The following PGR variants were observed in gnomAD, a reference collection of about 807,000 sequenced individuals.
The protein encoded by PGR is progesterone receptor, also known as nuclear receptor subfamily 3 group C member 3.
A neutral mutation model predicts 76.1 loss-of-function variants in PGR; 25 were observed. That is an observed-to-expected ratio of 0.33 (90% CI 0.24 to 0.46). The LOEUF is 0.46. Ranked by LOEUF, PGR falls within the 20% of genes least tolerant of loss-of-function variation. The pLI is 1.00. For missense variants in PGR, 1,172 were observed against 1,225.3 expected, an observed-to-expected ratio of 0.96 and a Z score of 0.65; for synonymous variants, 579 against 535.0, an observed-to-expected ratio of 1.08 and a Z score of -1.14.
intron 2 of PGR, among the ~76,000 whole-genome samples, chr11:101,110,037 A>G (rs1862295312): frequency 6.6e-6 from 1 of 152,190 alleles, no homozygotes; most frequent in South Asian, 2.1e-4. Flanking sequence ...AGCATGGTCC[A>G]CTAACTACTT....
chr11:101,080,765 T>C (rs1861278587), intron 3 of PGR, among the ~76,000 whole-genome samples: 1 of 151,950 alleles, frequency 6.6e-6, no homozygotes. Flanking sequence ...AAGAAAGACA[T>C]GAACATCTTA....
chr11:101,073,764 T>G (rs775156316), intron 3 of PGR, among the ~76,000 whole-genome samples: 1 of 151,988 alleles, frequency 6.6e-6, no homozygotes, highest in African/African-American at 2.4e-5. Context: ...ACATACACCC[T>G]CCCAAGATGA....
At chr11:101,058,847 C>CAAAAT (rs1485586730) in intron 4 of PGR, among the ~76,000 whole-genome samples, 1 of 152,134 alleles carries the variant, frequency 6.6e-6, no homozygotes, top group Admixed American at 6.6e-5. Flanking sequence ...TTATTCAGTT[C>CAAAAT]AAAATAAATT....
chr11:101,057,190 A>G (rs1393238382), intron 4 of PGR, among the ~76,000 whole-genome samples: 1 of 152,212 alleles, frequency 6.6e-6, no homozygotes, highest in Non-Finnish European at 1.5e-5. Context: ...TTCCTCACCC[A>G]GTCTAGGAAG....
At chr11:101,113,427 A>AT (rs386374672) in intron 2 of PGR, among the ~76,000 whole-genome samples, 52,866 of 147,122 alleles carry the variant, frequency 0.36, 11,518 homozygotes, top group East Asian at 0.95. Context: ...ATGCCTGGCT[A>AT]TTTTTTTTTT....
At chr11:101,107,555 A>G (rs1204793266) in intron 2 of PGR, among the ~76,000 whole-genome samples, 1 of 152,196 alleles carries the variant, frequency 6.6e-6, no homozygotes, top group Non-Finnish European at 1.5e-5. Context: ...GACCTCACAT[A>G]CTATTGAGAA....
At chr11:101,104,728 C>A (rs902330659) in intron 2 of PGR, among the ~76,000 whole-genome samples, 3 of 152,152 alleles carry the variant, frequency 2.0e-5, no homozygotes, top group Admixed American at 1.3e-4. Flanking sequence ...CTCAGTCTTG[C>A]TTCTCAGATA....
rs1181046626 is a variant in PGR at position 101,038,546 on chromosome 11, T to C, written c.*570A>G. ...TAACATATGAGTTGTTTTGCCTAGT[T>C]TGAAGAACATCAATCTATTTTAGTG... On this transcript the variant is annotated 3_prime_UTR_variant, in exon 8 of 8. Transcript: ENST00000325455. 4.4e-6 allele frequency: 1 copy of C among 229,784 alleles called. No homozygotes were observed. The highest frequency in any genetic ancestry group is 8.6e-6 in the Non-Finnish European group (1 of 116,036). 14.2% of individuals were successfully genotyped at this position (229,784 alleles called of 1,614,324 possible). A position where few individuals can be genotyped will look rare whatever the true frequency, so the allele number is the denominator to read the frequency against.
At position 101,129,075 on chromosome 11, in the gene PGR, A is replaced by G. The variant is rs765636500; in HGVS notation, c.-5T>C. 1 of 1,527,154 alleles carries G rather than the reference A, an allele frequency of 6.5e-7. No individual in the cohort carries two copies. The highest frequency in any genetic ancestry group is 8.8e-7 in the Non-Finnish European group (1 of 1,135,894). The allele number at this position is 1,527,154 out of a possible 1,614,324, so 94.6% of individuals were successfully genotyped here. On this transcript the variant is annotated 5_prime_UTR_variant, in exon 1 of 8. Transcript: ENST00000325455. The stretch of plus-strand genomic sequence containing the variant: ...CTTTGCCTTCAGCTCAGTCATGACG[A>G]CTGGACTCCCCTTTTCTCCTCCCCC...
At chr11:101,091,990 C>G in intron 2 of PGR, 114 bp from the exon 3 acceptor site, 1 of 699,548 alleles carries the variant, frequency 1.4e-6, no homozygotes, top group Non-Finnish European at 2.6e-6. Flanking sequence ...CATGACTCAG[C>G]CAGCTTCCTG....
Position 101,126,009 on chromosome 11 carries a change from T to C in PGR, c.1787A>G (p.Glu596Gly). The C allele has an allele frequency of 6.2e-7, 1 of 1,613,770 alleles. No homozygotes were observed. The highest frequency in any genetic ancestry group is 8.5e-7 in the Non-Finnish European group (1 of 1,179,728). ...AGGATCAGGGGAAAGGAGCCTACCT[T>C]CCATTGCCCTCTTAAAGAAGACCTT... is the stretch of plus-strand genomic sequence containing the variant. ...SCKVFFKRAM[E>G]GQHNYLCAGR... Residue 596 changes from glutamate to glycine, a missense_variant and splice_region_variant, in exon 2 of 8, where the codon GAA becomes GGA. By Grantham distance (98) the Glu-to-Gly change is moderately conservative. Coordinates refer to ENST00000325455, the MANE Select transcript of PGR (RefSeq NM_000926.4).
At chr11:101,047,689 G>A (rs1015162277) in intron 6 of PGR, among the ~76,000 whole-genome samples, 2 of 152,068 alleles carry the variant, frequency 1.3e-5, no homozygotes, top group African/African-American at 2.4e-5. Context: ...TGAGGTCTTA[G>A]CTCCCTGTGG....
Position 101,079,240 on chromosome 11 carries a change from TCAAG to T in PGR, c.1906+12516_1906+12519del, listed in dbSNP as rs1291141060. Among the ~76,000 whole-genome samples the T allele has an allele frequency of 3.3e-5, 5 of 152,072 alleles. No homozygotes were observed. The East Asian group carries it at 9.6e-4, about 29-fold the overall frequency. On this transcript the variant is annotated intron_variant, in intron 3 of 7. Coordinates refer to ENST00000325455, the MANE Select transcript of PGR (RefSeq NM_000926.4). Reference sequence around the variant, plus strand: ...GGGTAAATATTTTTGTAGTAAGACCTCAAGGCATAGGCAATCAAGGCAAAAATTG... The same window carrying T: ...GGGTAAATATTTTTGTAGTAAGACCTGCATAGGCAATCAAGGCAAAAATTG...
intron 4 of PGR, among the ~76,000 whole-genome samples, chr11:101,053,509 CT>C (rs1445654472): frequency 6.9e-6 from 1 of 145,126 alleles, no homozygotes; most frequent in Non-Finnish European, 1.5e-5. Context: ...CCTTTCCTCC[CT>C]CCCCTTCTCC....
chr11:101,087,455 A>G (rs188824511), intron 3 of PGR, among the ~76,000 whole-genome samples: 1 of 152,226 alleles, frequency 6.6e-6, no homozygotes, highest in African/African-American at 2.4e-5. Flanking sequence ...AGATTTAAAT[A>G]TAACACCTCA....
intron 4 of PGR, among the ~76,000 whole-genome samples, chr11:101,058,751 C>A (rs547094550): frequency 6.7e-6 from 1 of 150,350 alleles, no homozygotes; most frequent in Admixed American, 6.6e-5. Flanking sequence ...TGAATTAGTA[C>A]TTTTAATTTA....
At chr11:101,061,407 A>C (rs1230768114) in intron 4 of PGR, among the ~76,000 whole-genome samples, 1 of 152,000 alleles carries the variant, frequency 6.6e-6, no homozygotes, top group African/African-American at 2.4e-5. Flanking sequence ...ACAGGTATCT[A>C]TTTTTCTTTC....
intron 2 of PGR, among the ~76,000 whole-genome samples, chr11:101,094,277 T>C (rs1861767460): frequency 6.6e-6 from 1 of 152,264 alleles, no homozygotes; most frequent in Admixed American, 6.5e-5. Context: ...ATTTGACTTG[T>C]ATATTCACTA....
At chr11:101,120,537 T>C (rs1862641149) in intron 2 of PGR, among the ~76,000 whole-genome samples, 1 of 152,198 alleles carries the variant, frequency 6.6e-6, no homozygotes, top group African/African-American at 2.4e-5. Flanking sequence ...TATTAAGCAG[T>C]GGTTAAAAAA....
Sources: gnomAD v4.1 joint callset for allele counts (sites outside exome capture counted in the v4.1 genomes callset) on GRCh38, gnomAD v4.1.1 for gene constraint, MANE v1.5 for transcripts, NCBI Gene and HGNC (gene_info 2026-07-23, HGNC 2026-07-21) for gene names.